TLR3: variants seen among roughly 807,000 people sequenced by gnomAD.
TLR3 encodes the protein toll like receptor 3.
In TLR3, 43 loss-of-function variants were observed where a neutral mutation model predicts 66.4. The observed-to-expected ratio is 0.65, with a 90% CI of 0.51 to 0.83. The LOEUF (loss-of-function observed/expected upper bound fraction) is 0.83, where lower values mean the gene tolerates loss of function less well. Among genes scored for constraint, TLR3 ranks in the 40% least tolerant of loss-of-function variants. The pLI, the probability that TLR3 is intolerant of heterozygous loss-of-function variation, is 0.00. For missense variants in TLR3, 982 were observed against 1,044.6 expected (o/e 0.94, Z 0.83); for synonymous variants, 397 against 397.2 (o/e 1.00, Z 0.01).
intron 4 of TLR3, 49 bp downstream of exon 4, chr4:186,084,221 A>ACTTCTTT (rs369188057): frequency 6.8e-7 from 1 of 1,479,822 alleles, no homozygotes; most frequent in African/African-American, 1.4e-5. Context: ...TTTCAATTAA[A>ACTTCTTT]TTTCTTTTTT....
intron 1 of TLR3, among the ~76,000 whole-genome samples, chr4:186,071,898 G>A (rs75059843): frequency 0.12 from 18,659 of 152,122 alleles, 1,410 homozygotes; most frequent in East Asian, 0.2. Flanking sequence ...CATTACCACT[G>A]CTTCATCTCC....
chr4:186,087,247 T>C lies in TLR3; in HGVS notation c.*2374T>C, dbSNP rs2099304510. 6.6e-6 allele frequency: 1 copy of C among 152,214 alleles called. No individual in the cohort carries two copies. Among genetic ancestry groups the C allele is most frequent in the South Asian group, 2.1e-4 (1 of 4,834 alleles). 9.4% of individuals were successfully genotyped at this position (152,214 alleles called of 1,614,324 possible). On this transcript the variant is annotated 3_prime_UTR_variant, in exon 5 of 5. Coordinates refer to ENST00000296795, the MANE Select transcript of TLR3 (RefSeq NM_003265.3). ...TTCAATACATCATTAAGTTGCTTAA[T>C]ATTTAAGAGGTTAAGATGCACAGGT...
chr4:186,078,324 T>C (rs2099302794), intron 2 of TLR3, among the ~76,000 whole-genome samples: 1 of 152,164 alleles, frequency 6.6e-6, no homozygotes, highest in Non-Finnish European at 1.5e-5. Context: ...TAGTCATGAC[T>C]CAAAATTTAT....
Position 186,087,682 on chromosome 4 carries a change from G to A in TLR3, c.*2809G>A, listed in dbSNP as rs2099304580. The A allele has an allele frequency of 6.6e-6, 1 of 152,184 alleles. No homozygotes were observed. Among genetic ancestry groups the A allele is most frequent in the South Asian group, 2.1e-4 (1 of 4,826 alleles). The allele number at this position is 152,184 out of a possible 1,614,324, so 9.4% of individuals were successfully genotyped here. A position where few individuals can be genotyped will look rare whatever the true frequency, so the allele number is the denominator to read the frequency against. On this transcript the variant is annotated 3_prime_UTR_variant, in exon 5 of 5. Coordinates refer to ENST00000296795, the MANE Select transcript of TLR3 (RefSeq NM_003265.3). ...ATCAATTTGTTAGTGAGGAGGGGAG[G>A]AGTTTTCGATGCCACTTAGTTTACA...
chr4:186,087,463 G>C lies in TLR3; in HGVS notation c.*2590G>C, dbSNP rs958666265. ...AGGATGTTTGTCTGAGCTCTTGTTT[G>C]ATTTGCCCAAGTGACTTGACTTGTT... is the stretch of plus-strand genomic sequence containing the variant. On this transcript the variant is annotated 3_prime_UTR_variant, in exon 5 of 5. Coordinates refer to ENST00000296795, the MANE Select transcript of TLR3 (RefSeq NM_003265.3). 2.0e-5 allele frequency: 3 copies of C among 152,178 alleles called. No individual in the cohort carries two copies. The highest frequency in any genetic ancestry group is 4.4e-5 in the Non-Finnish European group (3 of 68,042). The allele number at this position is 152,178 out of a possible 1,614,324, so 9.4% of individuals were successfully genotyped here.
chr4:186,082,299 C>G, intron 3 of TLR3, 21 bp from the exon 4 acceptor site: 3 of 1,404,374 alleles, frequency 2.1e-6, no homozygotes, highest in Non-Finnish European at 2.9e-6. Context: ...TTGTTAACCT[C>G]TTTTTTTTTC....
intron 1 of TLR3, among the ~76,000 whole-genome samples, chr4:186,070,897 G>T (rs1383926131): frequency 6.6e-6 from 1 of 151,976 alleles, no homozygotes; most frequent in African/African-American, 2.4e-5. Context: ...GTAGATACGG[G>T]GTCTCACTAT....
rs2099304517 is a variant in TLR3 at position 186,087,293 on chromosome 4, C to A, written c.*2420C>A. 1 of 152,070 alleles carries A rather than the reference C, an allele frequency of 6.6e-6. No homozygotes were observed. 9.4% of individuals were successfully genotyped at this position (152,070 alleles called of 1,614,324 possible). A position where few individuals can be genotyped will look rare whatever the true frequency, so the allele number is the denominator to read the frequency against. On this transcript the variant is annotated 3_prime_UTR_variant, in exon 5 of 5. Transcript: ENST00000296795. ...CAGGTAATGACCTCTAAATGAATGC[C>A]AATAAAAATAGTAAAAGGTGTAAAC...
intron 1 of TLR3, among the ~76,000 whole-genome samples, chr4:186,070,184 T>C (rs1220075873): frequency 6.6e-6 from 1 of 152,240 alleles, no homozygotes; most frequent in Non-Finnish European, 1.5e-5. Context: ...CAGCAACGTT[T>C]TCTTCACTCT....
chr4:186,076,345 A>G (rs1322203667), intron 1 of TLR3, among the ~76,000 whole-genome samples: 1 of 152,208 alleles, frequency 6.6e-6, no homozygotes, highest in East Asian at 1.9e-4. Flanking sequence ...GAACCTATCA[A>G]AAGAGAGACA....
At chr4:186,074,256 CT>C (rs2099302024) in intron 1 of TLR3, among the ~76,000 whole-genome samples, 1 of 152,200 alleles carries the variant, frequency 6.6e-6, no homozygotes, top group South Asian at 2.1e-4. Context: ...GGACTTCATC[CT>C]TGTGGGAACG....
chr4:186,076,757 C>T lies in TLR3; in HGVS notation c.138C>T (p.Pro46=), dbSNP rs267600111. 2.1e-5 allele frequency: 34 copies of T among 1,613,924 alleles called. No individual in the cohort carries two copies. The East Asian group carries it at 2.9e-4, about 14-fold the overall frequency. ...DCSHLKLTQV[P]DDLPTNITVL... ...GCCACCTGAAGTTGACTCAGGTACCCGATGATCTACCCACAAACATAACAG... is the reference window on the plus strand; with the variant it reads ...GCCACCTGAAGTTGACTCAGGTACCTGATGATCTACCCACAAACATAACAG... The change falls in exon 2 of 5, where the codon CCC becomes CCT. Residue 46 remains proline (P), a synonymous_variant. Coordinates refer to ENST00000296795, the MANE Select transcript of TLR3 (RefSeq NM_003265.3).
intron 1 of TLR3, among the ~76,000 whole-genome samples, chr4:186,076,045 T>G (rs2099302395): frequency 1.3e-5 from 2 of 151,932 alleles, no homozygotes; most frequent in Admixed American, 6.6e-5. Flanking sequence ...TCCCAGCTAC[T>G]CGGGAGGCTG....
rs765738799 is a variant in TLR3 at position 186,083,027 on chromosome 4, C to CA, written c.1342dup (p.Thr448AsnfsTer26). 1 of 1,614,172 alleles carries CA rather than the reference C, an allele frequency of 6.2e-7. No homozygotes were observed. Among genetic ancestry groups the CA allele is most frequent in the Non-Finnish European group, 8.5e-7 (1 of 1,180,030 alleles). ...GCCTTAATGAAATTGGGCAAGAACT[C>CA]ACAGGCCAGGAATGGAGAGGTCTAG... On this transcript the variant is annotated frameshift_variant, in exon 4 of 5. Coordinates refer to ENST00000296795, the MANE Select transcript of TLR3 (RefSeq NM_003265.3). LOFTEE classifies it high-confidence loss of function. This position sits in a 1 kb window ranked among gnomAD's most constrained non-coding sequence, Gnocchi z 4.0.
Position 186,083,812 on chromosome 4 carries a change from A to T in TLR3, c.2126A>T (p.Asn709Ile), listed in dbSNP as rs756996300. Residue 709 changes from asparagine to isoleucine, a missense_variant, in exon 4 of 5, where the codon AAT becomes ATT. By Grantham distance (149) the Asn-to-Ile change is moderately radical (BLOSUM62 -3). Coordinates refer to ENST00000296795, the MANE Select transcript of TLR3 (RefSeq NM_003265.3). The surrounding 1 kb of genome is among the most constrained non-coding windows in gnomAD (Gnocchi z 4.0). Reference protein sequence around the residue: ...SAPFELFFMINTSILLIFIFI... With the variant: ...SAPFELFFMIITSILLIFIFI... ...CCCTTTGAACTCTTTTTCATGATCA[A>T]TACCAGTATCCTGTTGATTTTTATC... 2 of 1,614,034 alleles carry T rather than the reference A, an allele frequency of 1.2e-6. No individual in the cohort carries two copies. Among genetic ancestry groups the T allele is most frequent in the South Asian group, 2.2e-5 (2 of 91,012 alleles).
In TLR3 at chr4:186,077,061, G is replaced by T; in HGVS notation, c.441+1G>T. 1 of 1,613,032 alleles carries T rather than the reference G, an allele frequency of 6.2e-7. No homozygotes were observed. ...AAATAATCCCTTTGTCAAGCAGAAG[G>T]TAAGTTGAAAATGTCTATTGTTACT... On this transcript the variant is annotated splice_donor_variant, in intron 2 of 4. Coordinates refer to ENST00000296795, the MANE Select transcript of TLR3 (RefSeq NM_003265.3). LOFTEE classifies it high-confidence loss of function.
chr4:186,080,089 T>C (rs994478040), intron 3 of TLR3, among the ~76,000 whole-genome samples: 4 of 152,178 alleles, frequency 2.6e-5, no homozygotes, highest in African/African-American at 9.7e-5. Context: ...TACTTTTCCC[T>C]AAATAGGACT....
Position 186,076,853 on chromosome 4 carries a change from T to C in TLR3, c.234T>C (p.Thr78=), listed in dbSNP as rs764405982. The change falls in exon 2 of 5, where the codon ACT becomes ACC. Residue 78 remains threonine, a synonymous_variant. Transcript: ENST00000296795. ...AANFTRYSQL[T]SLDVGFNTIS... ...ACTTCACAAGGTATAGCCAGCTAACTAGCTTGGATGTAGGATTTAACACCA... is the reference window on the plus strand; with the variant it reads ...ACTTCACAAGGTATAGCCAGCTAACCAGCTTGGATGTAGGATTTAACACCA... 2 of 1,614,070 alleles carry C rather than the reference T, an allele frequency of 1.2e-6. No homozygotes were observed. Among genetic ancestry groups the C allele is most frequent in the Non-Finnish European group, 1.7e-6 (2 of 1,180,044 alleles).
Position 186,076,781 on chromosome 4 carries a change from A to G in TLR3, c.162A>G (p.Thr54=), listed in dbSNP as rs1490723082. ...QVPDDLPTNI[T]VLNLTHNQLR... Reference sequence around the variant, plus strand: ...CCGATGATCTACCCACAAACATAACAGTGTTGAACCTTACCCATAATCAAC... The same window carrying G: ...CCGATGATCTACCCACAAACATAACGGTGTTGAACCTTACCCATAATCAAC... Residue 54 remains threonine, a synonymous_variant, in exon 2 of 5, where the codon ACA becomes ACG. Transcript: ENST00000296795. 6.2e-7 allele frequency: 1 copy of G among 1,614,182 alleles called. No individual in the cohort carries two copies. The highest frequency in any genetic ancestry group is 8.5e-7 in the Non-Finnish European group (1 of 1,180,044).
Sources: gnomAD v4.1 joint callset for allele counts (sites outside exome capture counted in the v4.1 genomes callset) on GRCh38, gnomAD v4.1.1 for gene constraint, Gnocchi (gnomAD v3.1) non-coding constraint, MANE v1.5 for transcripts, NCBI Gene and HGNC (gene_info 2026-07-23, HGNC 2026-07-21) for gene names.